Variants in PTTG1IP observed in about 807,000 individuals in gnomAD.
The protein encoded by PTTG1IP is pituitary tumor-transforming gene 1 protein-interacting protein.
Under a neutral mutation model 24.4 loss-of-function variants are expected in PTTG1IP, and 16 were observed. The ratio of observed to expected loss-of-function variants is 0.66; its 90% confidence interval spans 0.44 to 1.00. The LOEUF (loss-of-function observed/expected upper bound fraction) is 1.00, where lower values mean the gene tolerates loss of function less well. Among genes scored for constraint, PTTG1IP ranks in the 50% least tolerant of loss-of-function variants. The pLI, the probability that PTTG1IP is intolerant of heterozygous loss-of-function variation, is 0.00. For missense variants in PTTG1IP, 241 were observed against 245.8 expected (o/e 0.98, Z 0.13); for synonymous variants, 89 against 96.8 (o/e 0.92, Z 0.47).
chr21:44,854,704 C>T (rs2083435759), intron 5 of PTTG1IP, among the ~76,000 whole-genome samples: 1 of 152,228 alleles, frequency 6.6e-6, no homozygotes, highest in African/African-American at 2.4e-5. Context: ...TCCTTCAAAG[C>T]TCCTCTCCAA....
Position 44,851,514 on chromosome 21 carries a change from C to G in PTTG1IP, c.*67G>C. On this transcript the variant is annotated 3_prime_UTR_variant, in exon 6 of 6. Coordinates refer to ENST00000330938, the MANE Select transcript of PTTG1IP (RefSeq NM_004339.4). The stretch of plus-strand genomic sequence containing the variant: ...GGAGACCGCAATGGCCACGTGGTCT[C>G]CCGGCTGGGCTGGGCTGCGGAGCGT... The G allele has an allele frequency of 6.2e-7, 1 of 1,613,964 alleles. No individual in the cohort carries two copies. Among genetic ancestry groups the G allele is most frequent in the Non-Finnish European group, 8.5e-7 (1 of 1,179,942 alleles).
At chr21:44,864,671 A>G (rs1031674014) in intron 2 of PTTG1IP, among the ~76,000 whole-genome samples, 1 of 152,214 alleles carries the variant, frequency 6.6e-6, no homozygotes, top group Non-Finnish European at 1.5e-5. Flanking sequence ...TGCTGGGATT[A>G]CAGGCGTGAG....
At chr21:44,858,436 G>A (rs563965151) in intron 3 of PTTG1IP, among the ~76,000 whole-genome samples, 1 of 152,312 alleles carries the variant, frequency 6.6e-6, no homozygotes, top group South Asian at 2.1e-4. Context: ...CAAGGTCCCA[G>A]CTCAGACAGC....
intron 2 of PTTG1IP, chr21:44,861,914 C>T: frequency 1.4e-6 from 1 of 708,346 alleles, no homozygotes. Context: ...CTTCCTACCT[C>T]TGACCTTCAC....
At chr21:44,866,160 G>C (rs1482554257) in intron 1 of PTTG1IP, among the ~76,000 whole-genome samples, 2 of 151,772 alleles carry the variant, frequency 1.3e-5, no homozygotes, top group East Asian at 3.9e-4. Context: ...GACTGCATGA[G>C]TAACTTCCAA....
In PTTG1IP at chr21:44,851,232, G is replaced by C; in HGVS notation, c.*349C>G. The C allele has an allele frequency of 1.8e-6, 2 of 1,115,774 alleles. No homozygotes were observed. The highest frequency in any genetic ancestry group is 2.5e-6 in the Non-Finnish European group (2 of 811,472). The allele number at this position is 1,115,774 out of a possible 1,614,324, so 69.1% of individuals were successfully genotyped here. On this transcript the variant is annotated 3_prime_UTR_variant, in exon 6 of 6. Transcript: ENST00000330938. Reference sequence around the variant, plus strand: ...TGTTAGTGGACAGAGAGAAACGCAGGGTTCTGCCCTGGGAGAATGACAGCC... The same window carrying C: ...TGTTAGTGGACAGAGAGAAACGCAGCGTTCTGCCCTGGGAGAATGACAGCC...
chr21:44,871,426 AATAAAG>A (rs370053324), intron 1 of PTTG1IP, among the ~76,000 whole-genome samples: 179 of 152,270 alleles, frequency 1.2e-3, no homozygotes, highest in African/African-American at 4.2e-3. Context: ...CCCATACACA[AATAAAG>A]TGGGGTCCAA....
At chr21:44,865,746 ATCTC>A (rs934379740) in intron 1 of PTTG1IP, 7 of 522,494 alleles carry the variant, frequency 1.3e-5, no homozygotes, top group African/African-American at 1.3e-4. Flanking sequence ...TGTGTTTCAG[ATCTC>A]TCTGTGAGAG....
intron 1 of PTTG1IP, among the ~76,000 whole-genome samples, chr21:44,868,647 T>C (rs2083561598): frequency 6.6e-6 from 1 of 152,128 alleles, no homozygotes; most frequent in African/African-American, 2.4e-5. Context: ...TCATGAACTC[T>C]AACCCCTAGA....
intron 5 of PTTG1IP, among the ~76,000 whole-genome samples, chr21:44,854,154 C>T (rs558977314): frequency 3.3e-5 from 5 of 152,306 alleles, no homozygotes; most frequent in East Asian, 1.9e-4. Flanking sequence ...TTGCCGTCCA[C>T]CCCCCACCCG....
intron 2 of PTTG1IP, among the ~76,000 whole-genome samples, chr21:44,864,169 C>T (rs79242481): frequency 0.067 from 10,263 of 152,268 alleles, 1,173 homozygotes; most frequent in African/African-American, 0.23. Flanking sequence ...GATCAGGAAT[C>T]CTAAGAAAAA....
chr21:44,867,477 C>T (rs1002875002), intron 1 of PTTG1IP, among the ~76,000 whole-genome samples: 1 of 152,168 alleles, frequency 6.6e-6, no homozygotes, highest in Non-Finnish European at 1.5e-5. Context: ...GGGTCTGTCT[C>T]GGTCGCGGCT....
chr21:44,855,661 A>T (rs2083443666), intron 4 of PTTG1IP, among the ~76,000 whole-genome samples: 1 of 152,188 alleles, frequency 6.6e-6, no homozygotes, highest in Non-Finnish European at 1.5e-5. Flanking sequence ...CTACATGGAA[A>T]ATCTGTCCCG....
intron 1 of PTTG1IP, among the ~76,000 whole-genome samples, chr21:44,870,081 G>C (rs1353373430): frequency 6.6e-6 from 1 of 152,164 alleles, no homozygotes; most frequent in South Asian, 2.1e-4. Context: ...AGAGGAAGAG[G>C]GAGAGAAAAA....
intron 3 of PTTG1IP, among the ~76,000 whole-genome samples, chr21:44,859,078 G>A (rs1022347511): frequency 6.6e-6 from 1 of 152,226 alleles, no homozygotes; most frequent in African/African-American, 2.4e-5. Flanking sequence ...GCACCAGAAG[G>A]ACCCAGGCGT....
chr21:44,873,363 G>C, intron 1 of PTTG1IP, 139 bp downstream of exon 1: 1 of 887,396 alleles, frequency 1.1e-6, no homozygotes, highest in Non-Finnish European at 1.4e-6. Context: ...AGGAGCCTCC[G>C]TCGGGGCGCT....
At chr21:44,861,968 C>T in intron 2 of PTTG1IP, 1 of 655,644 alleles carries the variant, frequency 1.5e-6, no homozygotes, top group Non-Finnish European at 2.8e-6. Context: ...GCAACTACGG[C>T]TCAGCCCGCC....
At chr21:44,854,531 C>A (rs2083434545) in intron 5 of PTTG1IP, among the ~76,000 whole-genome samples, 1 of 152,150 alleles carries the variant, frequency 6.6e-6, no homozygotes, top group Admixed American at 6.5e-5. Flanking sequence ...TCTTTGCGGA[C>A]TTTAAAATCA....
Position 44,856,312 on chromosome 21 carries a change from G to A in PTTG1IP, c.330C>T (p.Leu110=). The part of the protein sequence containing the change: ...ITMSVVGGTL[L]LGIAICCCCC... The stretch of plus-strand genomic sequence containing the variant: ...AGCAGCAGCAGATGGCAATGCCCAG[G>A]AGGAGGGTTCCCCCGACTACCGACA... Residue 110 remains leucine (L), a synonymous_variant, in exon 4 of 6, where the codon CTC becomes CTT. Transcript: ENST00000330938. 6.2e-7 allele frequency: 1 copy of A among 1,614,162 alleles called. No homozygotes were observed. Among genetic ancestry groups the A allele is most frequent in the South Asian group, 1.1e-5 (1 of 91,080 alleles).
Sources: gnomAD v4.1 joint callset for allele counts (sites outside exome capture counted in the v4.1 genomes callset) on GRCh38, gnomAD v4.1.1 for gene constraint, MANE v1.5 for transcripts, NCBI Gene and HGNC (gene_info 2026-07-23, HGNC 2026-07-21) for gene names.